The following PTPN4 variants were observed in gnomAD, a reference collection of about 807,000 sequenced individuals.
PTPN4 encodes the protein protein tyrosine phosphatase non-receptor type 4, also known as tyrosine-protein phosphatase non-receptor type 4.
In PTPN4, 49 loss-of-function variants were observed where a neutral mutation model predicts 135.5. That is an observed-to-expected ratio of 0.36 (90% CI 0.29 to 0.46). PTPN4 has a LOEUF of 0.46. Among genes scored for constraint, PTPN4 ranks in the 20% least tolerant of loss-of-function variants. The probability of loss-of-function intolerance (pLI) is 1.00; values close to 1 mark genes in which losing one functional copy is unlikely to be tolerated. For synonymous variants in PTPN4, 333 were observed against 369.9 expected, an observed-to-expected ratio of 0.90 and a Z score of 1.14; for missense variants, 860 against 1,101.0, an observed-to-expected ratio of 0.78 and a Z score of 3.10.
intron 2 of PTPN4, among the ~76,000 whole-genome samples, chr2:119,858,020 G>C (rs1021303384): frequency 6.6e-6 from 1 of 152,158 alleles, no homozygotes; most frequent in African/African-American, 2.4e-5. Context: ...GGTTGATTCT[G>C]GGACCTCCCA....
intron 1 of PTPN4, among the ~76,000 whole-genome samples, chr2:119,796,448 A>T (rs1691261994): frequency 6.6e-6 from 1 of 152,138 alleles, no homozygotes; most frequent in South Asian, 2.1e-4. Flanking sequence ...TATAAATGGA[A>T]TCATACAGTA....
intron 11 of PTPN4, among the ~76,000 whole-genome samples, chr2:119,917,801 G>A (rs777229516): frequency 1.2e-4 from 19 of 152,052 alleles, no homozygotes; most frequent in Non-Finnish European, 1.8e-4. Flanking sequence ...CCTTGTTAAT[G>A]TTTTCTCTCT....
intron 1 of PTPN4, among the ~76,000 whole-genome samples, chr2:119,803,811 T>A (rs909108834): frequency 6.6e-6 from 1 of 152,166 alleles, no homozygotes; most frequent in Admixed American, 6.5e-5. Context: ...TTGCTTCATG[T>A]ATTTTTGCAG....
intron 15 of PTPN4, among the ~76,000 whole-genome samples, chr2:119,938,971 A>C (rs1424050628): frequency 1.3e-5 from 2 of 152,226 alleles, no homozygotes; most frequent in Non-Finnish European, 2.9e-5. Flanking sequence ...GACTAGGTTT[A>C]AAACGTGGTT....
chr2:119,934,530 G>A (rs1678953035), intron 14 of PTPN4, among the ~76,000 whole-genome samples: 1 of 152,120 alleles, frequency 6.6e-6, no homozygotes, highest in African/African-American at 2.4e-5. Context: ...AAATCATAGT[G>A]ACTAACACCT....
intron 1 of PTPN4, among the ~76,000 whole-genome samples, chr2:119,782,867 G>T (rs1384334788): frequency 7.6e-6 from 1 of 131,818 alleles, no homozygotes; most frequent in Non-Finnish European, 1.6e-5. Context: ...CACTACTCCC[G>T]GCTAATTAAA....
chr2:119,874,468 A>G (rs1297665745), intron 3 of PTPN4, among the ~76,000 whole-genome samples: 1 of 152,202 alleles, frequency 6.6e-6, no homozygotes, highest in Non-Finnish European at 1.5e-5. Flanking sequence ...TACATGCCAC[A>G]ATGTAGATGA....
chr2:119,940,235 G>A (rs1476963469), intron 15 of PTPN4, among the ~76,000 whole-genome samples: 1 of 152,082 alleles, frequency 6.6e-6, no homozygotes, highest in Non-Finnish European at 1.5e-5. Flanking sequence ...TGCGTTAATT[G>A]GTAATCAACC....
At position 119,862,545 on chromosome 2, in the gene PTPN4, CA is replaced by C. The variant is rs1677776275; in HGVS notation, c.149del (p.Gln50ArgfsTer13). 5.0e-6 allele frequency: 8 copies of C among 1,600,340 alleles called. No homozygotes were observed. Among genetic ancestry groups the C allele is most frequent in the Non-Finnish European group, 6.8e-6 (8 of 1,173,866 alleles). On this transcript the variant is annotated frameshift_variant, in exon 3 of 27. Coordinates refer to ENST00000263708, the MANE Select transcript of PTPN4 (RefSeq NM_002830.4). LOFTEE classifies it high-confidence loss of function. The part of the protein sequence containing the change: ...VQAFKVNKHD[Q>X]GQVLLDVVFK... Reference sequence around the variant, plus strand: ...TTTTTTTTTTTTACAGAAACATGATCAGGGGCAAGTCTTGTTGGATGTCGTC... The same window carrying C: ...TTTTTTTTTTTTACAGAAACATGATCGGGGCAAGTCTTGTTGGATGTCGTC...
intron 5 of PTPN4, among the ~76,000 whole-genome samples, chr2:119,880,958 A>G (rs552461541): frequency 1.3e-5 from 2 of 152,102 alleles, no homozygotes; most frequent in Admixed American, 6.5e-5. Flanking sequence ...GACTCTTGGA[A>G]TATGTACTTT....
chr2:119,778,694 C>G lies in PTPN4; in HGVS notation c.-18+18310C>G, dbSNP rs552010163. Among the ~76,000 whole-genome samples the G allele has an allele frequency of 1.1e-4, 16 of 152,190 alleles. No homozygotes were observed. The South Asian group carries it at 2.3e-3, about 22-fold the overall frequency. On this transcript the variant is annotated intron_variant, in intron 1 of 26. Coordinates refer to ENST00000263708, the MANE Select transcript of PTPN4 (RefSeq NM_002830.4). ...AAGCCTTAGGTAAATCAGTTTGATGCAAGAAATGGCACAAATTAGATTCCT... is the reference window on the plus strand; with the variant it reads ...AAGCCTTAGGTAAATCAGTTTGATGGAAGAAATGGCACAAATTAGATTCCT...
intron 1 of PTPN4, among the ~76,000 whole-genome samples, chr2:119,777,821 AT>A (rs796618047): frequency 0.026 from 3,861 of 147,766 alleles, 163 homozygotes; most frequent in African/African-American, 0.089. Flanking sequence ...TGCCCAGCTA[AT>A]TTTTTTTTTT....
At chr2:119,855,150 A>G (rs1363485113) in intron 2 of PTPN4, among the ~76,000 whole-genome samples, 1 of 152,146 alleles carries the variant, frequency 6.6e-6, no homozygotes, top group Non-Finnish European at 1.5e-5. Context: ...TGGTTTTTCT[A>G]AGATGATGTT....
At chr2:119,803,563 A>T (rs1175164558) in intron 1 of PTPN4, among the ~76,000 whole-genome samples, 1 of 152,054 alleles carries the variant, frequency 6.6e-6, no homozygotes, top group East Asian at 1.9e-4. Flanking sequence ...AAATATTTAG[A>T]TTTGTTTCTT....
At chr2:119,949,956 CACAA>C (rs1327579169) in intron 18 of PTPN4, among the ~76,000 whole-genome samples, 1 of 151,998 alleles carries the variant, frequency 6.6e-6, no homozygotes, top group Non-Finnish European at 1.5e-5. Flanking sequence ...TATATATACA[CACAA>C]ACAGTTTATT....
intron 1 of PTPN4, among the ~76,000 whole-genome samples, chr2:119,792,342 C>T (rs975769577): frequency 2.0e-5 from 3 of 151,932 alleles, no homozygotes; most frequent in African/African-American, 7.3e-5. Context: ...CTACAATAGC[C>T]CTTTGAGTTG....
chr2:119,837,707 G>A (rs1396407091), intron 2 of PTPN4, among the ~76,000 whole-genome samples: 1 of 152,180 alleles, frequency 6.6e-6, no homozygotes, highest in Non-Finnish European at 1.5e-5. Context: ...TTTTAATTAC[G>A]TAGCTAAGCT....
intron 3 of PTPN4, among the ~76,000 whole-genome samples, chr2:119,876,896 CATGTGT>C (rs1390875209): frequency 1.0e-4 from 10 of 96,532 alleles, no homozygotes; most frequent in East Asian, 3.8e-4. Flanking sequence ...AGCCCAAGAG[CATGTGT>C]GTGTGTGTGT....
chr2:119,839,761 A>G (rs903102398), intron 2 of PTPN4, among the ~76,000 whole-genome samples: 5 of 152,222 alleles, frequency 3.3e-5, no homozygotes, highest in Non-Finnish European at 7.3e-5. Context: ...TACAGGACAT[A>G]TACATTTTGC....
Sources: allele counts gnomAD v4.1 joint callset (sites outside exome capture counted in the v4.1 genomes callset), GRCh38; gene constraint gnomAD v4.1.1; transcripts MANE v1.5; gene names NCBI Gene and HGNC (gene_info 2026-07-23, HGNC 2026-07-21).